Variants in AHNAK observed in about 807,000 individuals in gnomAD.
The protein encoded by AHNAK is AHNAK nucleoprotein, also known as neuroblast differentiation-associated protein AHNAK.
Under a neutral mutation model 37.8 loss-of-function variants are expected in AHNAK, and 23 were observed. That is an observed-to-expected ratio of 0.61 (90% confidence interval 0.44 to 0.86). The LOEUF (loss-of-function observed/expected upper bound fraction) is 0.86. Ranked by LOEUF, AHNAK falls within the 40% of genes least tolerant of loss-of-function variation. The pLI is 0.00. For missense variants in AHNAK, 7,411 were observed against 7,319.4 expected (o/e 1.01, Z -0.46); for synonymous variants, 2,481 against 2,636.3 (o/e 0.94, Z 1.80).
Position 62,521,078 on chromosome 11 carries a change from A to T in AHNAK, c.13339T>A (p.Phe4447Ile). ...TTGATGTTCATCTCAGGCATCTTAA[A>T]TTTGGGCCCCTTCAATTTTCCTTCC... is the stretch of plus-strand genomic sequence containing the variant. Reference protein sequence around the residue: ...GPEGKLKGPKFKMPEMNIKAP... With the variant: ...GPEGKLKGPKIKMPEMNIKAP... Residue 4447 changes from phenylalanine to isoleucine, a missense_variant, in exon 5 of 5, where the codon TTT (phenylalanine) becomes ATT (isoleucine). By Grantham distance (21) the Phe-to-Ile change is conservative. Transcript: ENST00000378024. 6.2e-7 allele frequency: 1 copy of T among 1,614,028 alleles called. No homozygotes were observed. The highest frequency in any genetic ancestry group is 8.5e-7 in the Non-Finnish European group (1 of 1,180,010).
chr11:62,545,303 T>C (rs1263346018), intron 1 of AHNAK, among the ~76,000 whole-genome samples: 4 of 152,206 alleles, frequency 2.6e-5, no homozygotes, highest in Admixed American at 6.5e-5. Context: ...GTTCCCCACC[T>C]TGTTGTGGGG....
At position 62,525,282 on chromosome 11, in the gene AHNAK, G is replaced by T; in HGVS notation, c.9135C>A (p.Asn3045Lys). 1.2e-6 allele frequency: 2 copies of T among 1,612,490 alleles called. No individual in the cohort carries two copies. Among genetic ancestry groups the T allele is most frequent in the Non-Finnish European group, 1.7e-6 (2 of 1,179,680 alleles). Residue 3045 changes from asparagine to lysine, a missense_variant, in exon 5 of 5, where the codon AAC becomes AAA. Physicochemically the swap from Asn to Lys is moderately conservative, Grantham distance 94. Transcript: ENST00000378024. ...FKGEGPDVDV[N>K]LPKADLDVSG... is the part of the protein sequence containing the mutation. ...AGACATCAAGGTCAGCCTTGGGCAG[G>T]TTCACATCCACATCTGGGCCCTCTC...
chr11:62,501,670 T>G (rs557254890), intron 4 of AHNAK, among the ~76,000 whole-genome samples: 92 of 152,324 alleles, frequency 6.0e-4, no homozygotes, highest in African/African-American at 2.0e-3. Context: ...CCACAAATAC[T>G]CTACTGCGCT....
Position 62,528,232 on chromosome 11 carries a change from T to C in AHNAK, c.6185A>G (p.Lys2062Arg). 1 of 1,614,100 alleles carries C rather than the reference T, an allele frequency of 6.2e-7. No individual in the cohort carries two copies. Among genetic ancestry groups the C allele is most frequent in the Non-Finnish European group, 8.5e-7 (1 of 1,180,020 alleles). The change falls in exon 5 of 5, where the codon AAA (lysine) becomes AGA (arginine). Residue 2062 changes from lysine (K) to arginine (R), a missense_variant. Coordinates refer to ENST00000378024, the MANE Select transcript of AHNAK (RefSeq NM_001620.3). Reference sequence around the variant, plus strand: ...CACATCCACTTCTGGGCCCTCTGCTTTGAAGCCAGGCATGCTGAACTTGGG... The same window carrying C: ...CACATCCACTTCTGGGCCCTCTGCTCTGAAGCCAGGCATGCTGAACTTGGG... ...KMPKFSMPGF[K>R]AEGPEVDVNL...
Position 62,522,055 on chromosome 11 carries a change from T to C in AHNAK, c.12362A>G (p.Asp4121Gly), listed in dbSNP as rs1298847204. The C allele has an allele frequency of 6.2e-7, 1 of 1,613,964 alleles. No homozygotes were observed. Among genetic ancestry groups the C allele is most frequent in the Non-Finnish European group, 8.5e-7 (1 of 1,180,034 alleles). Residue 4121 changes from aspartate (D) to glycine (G), a missense_variant, in exon 5 of 5, where the codon GAC (aspartate) becomes GGC (glycine). Asp to Gly is a moderately conservative substitution (Grantham distance 94). Transcript: ENST00000378024. ...KLKGPKFKMPDLHLKAPKISM... is the reference protein window; with the variant it reads ...KLKGPKFKMPGLHLKAPKISM... ...GATCTTCGGTGCCTTGAGGTGCAGG[T>C]CAGGCATTTTAAATTTGGGGCCCTT...
downstream of AHNAK, among the ~76,000 whole-genome samples, chr11:62,515,220 C>T (rs915510560): frequency 2.6e-5 from 4 of 152,332 alleles, no homozygotes; most frequent in East Asian, 7.7e-4. Context: ...AGATAACTTA[C>T]ACAAGATCAG....
chr11:62,537,643 T>G (rs916497005), intron 1 of AHNAK, among the ~76,000 whole-genome samples: 1 of 151,364 alleles, frequency 6.6e-6, no homozygotes, highest in African/African-American at 2.4e-5. Flanking sequence ...GGGGTACACA[T>G]GAGAGCACAA....
chr11:62,508,270 T>A (rs1158077685), intron 4 of AHNAK, among the ~76,000 whole-genome samples: 3 of 152,076 alleles, frequency 2.0e-5, no homozygotes, highest in Non-Finnish European at 4.4e-5. Context: ...AAAAAAAAAT[T>A]CTTTTTTTAA....
chr11:62,441,318 A>T (rs765492017), intron 5 of AHNAK, among the ~76,000 whole-genome samples: 9 of 151,654 alleles, frequency 5.9e-5, no homozygotes, highest in Non-Finnish European at 1.0e-4. Context: ...GAAAATTTTT[A>T]AAATTAGCCT....
rs995533755 is a variant in AHNAK at position 62,533,486 on chromosome 11, C to A, written c.931G>T (p.Val311Leu). ...CCTGTTGAGACACCAAATTTCGGCA[C>A]TTTCATGGTGGGAAATTTAATTTTG... ...HGKIKFPTMK[V>L]PKFGVSTGRE... The change falls in exon 5 of 5, where the codon GTG becomes TTG. Residue 311 changes from valine (V) to leucine (L), a missense_variant. Physicochemically the swap from Val to Leu is conservative, Grantham distance 32. Coordinates refer to ENST00000378024, the MANE Select transcript of AHNAK (RefSeq NM_001620.3). 9 of 1,614,206 alleles carry A rather than the reference C, an allele frequency of 5.6e-6. No homozygotes were observed. The Middle Eastern group carries it at 6.6e-4, about 118-fold the overall frequency.
intron 5 of AHNAK, among the ~76,000 whole-genome samples, chr11:62,482,292 G>A (rs1466207284): frequency 6.6e-6 from 1 of 152,254 alleles, no homozygotes; most frequent in Middle Eastern, 3.4e-3. Flanking sequence ...GTGCGTGCCT[G>A]TAGTTCCAGC....
chr11:62,500,818 C>A (rs1939698610), intron 4 of AHNAK, among the ~76,000 whole-genome samples: 1 of 152,198 alleles, frequency 6.6e-6, no homozygotes, highest in Non-Finnish European at 1.5e-5. Flanking sequence ...TCTATGTCAG[C>A]TGAGTTTTGA....
chr11:62,491,636 G>T, intron 5 of AHNAK: 1 of 1,217,568 alleles, frequency 8.2e-7, no homozygotes, highest in Non-Finnish European at 1.2e-6. Context: ...TCCACGTGTG[G>T]CTTCCACAGC....
chr11:62,513,185 C>A (rs192403860), downstream of AHNAK, among the ~76,000 whole-genome samples: 1 of 152,192 alleles, frequency 6.6e-6, no homozygotes, highest in African/African-American at 2.4e-5. Context: ...CTCTCACCCT[C>A]GAGTGCAGGA....
intron 5 of AHNAK, among the ~76,000 whole-genome samples, chr11:62,454,004 G>T (rs4382917): frequency 1.3e-5 from 2 of 151,778 alleles, no homozygotes; most frequent in African/African-American, 4.8e-5. Context: ...CTACTCTGGA[G>T]GCTGAGGCAG....
intron 4 of AHNAK, among the ~76,000 whole-genome samples, chr11:62,507,919 G>A (rs374663727): frequency 2.0e-5 from 3 of 152,212 alleles, no homozygotes; most frequent in East Asian, 1.9e-4. Flanking sequence ...ATTGAAGAAA[G>A]GGGCTTTGCA....
At chr11:62,466,726 C>T (rs1291674501) in intron 5 of AHNAK, among the ~76,000 whole-genome samples, 1 of 152,182 alleles carries the variant, frequency 6.6e-6, no homozygotes, top group Non-Finnish European at 1.5e-5. Flanking sequence ...TTAATCACTG[C>T]TATCTCCCAG....
rs1462727316 is a variant in AHNAK, at chr11:62,479,386, C to T, written c.442+12346G>A. On this transcript the variant is annotated intron_variant, in intron 5 of 5. Transcript: ENST00000257247. The stretch of plus-strand genomic sequence containing the variant: ...TTCTCCACGTTGGTCAGGCTGATCT[C>T]GAACTCCTGACCTCAGGTGATCCGT... Among the ~76,000 whole-genome samples the T allele has an allele frequency of 2.0e-5, 3 of 151,670 alleles. No homozygotes were observed. In the South Asian group the frequency reaches 6.2e-4, roughly 32 times the overall value.
chr11:62,516,912 A>T lies in AHNAK; in HGVS notation c.17505T>A (p.His5835Gln), dbSNP rs1322047533. 2 of 1,614,040 alleles carry T rather than the reference A, an allele frequency of 1.2e-6. No homozygotes were observed. Among genetic ancestry groups the T allele is most frequent in the Admixed American group, 3.3e-5 (2 of 60,002 alleles). ...CATCATCGCTCCCAGTCACCTCATAATGACCTTTGCTCTTTGACCCCAATC... is the reference window on the plus strand; with the variant it reads ...CATCATCGCTCCCAGTCACCTCATATTGACCTTTGCTCTTTGACCCCAATC... ...FGGLGSKSKG[H>Q]YEVTGSDDET... Residue 5835 changes from histidine (H) to glutamine (Q), a missense_variant, in exon 5 of 5, where the codon CAT becomes CAA. Physicochemically the swap from His to Gln is conservative, Grantham distance 24. Coordinates refer to ENST00000378024, the MANE Select transcript of AHNAK (RefSeq NM_001620.3).
Sources: gnomAD v4.1 joint callset for allele counts (sites outside exome capture counted in the v4.1 genomes callset) on GRCh38, gnomAD v4.1.1 for gene constraint, MANE v1.5 for transcripts, NCBI Gene and HGNC (gene_info 2026-07-23, HGNC 2026-07-21) for gene names.